The following NPNT variants were observed in gnomAD, a reference collection of about 807,000 sequenced individuals.
The protein encoded by NPNT is preosteoblast EGF-like repeat protein with MAM domain.
In NPNT, 45 loss-of-function variants were observed where a neutral mutation model predicts 68.6. The observed-to-expected ratio is 0.66, with a 90% CI of 0.52 to 0.84. NPNT has a LOEUF of 0.84. Ranked by LOEUF, NPNT falls within the 40% of genes least tolerant of loss-of-function variation. NPNT has a pLI of 0.00. For synonymous variants in NPNT, 233 were observed against 253.3 expected, an observed-to-expected ratio of 0.92 and a Z score of 0.76; for missense variants, 672 against 714.8, an observed-to-expected ratio of 0.94 and a Z score of 0.68.
In NPNT at chr4:105,969,730, A is replaced by C. The variant is rs1209472364; in HGVS notation, c.*740A>C. 3 of 152,268 alleles carry C rather than the reference A, an allele frequency of 2.0e-5. No individual in the cohort carries two copies. Among genetic ancestry groups the C allele is most frequent in the Non-Finnish European group, 4.4e-5 (3 of 68,090 alleles). The allele number at this position is 152,268 out of a possible 1,614,324, so 9.4% of individuals were successfully genotyped here. A position where few individuals can be genotyped will look rare whatever the true frequency, so the allele number is the denominator to read the frequency against. On this transcript the variant is annotated 3_prime_UTR_variant, in exon 12 of 12. Transcript: ENST00000379987. ...AAAGGGCAGCTTGTGATCTCAAAAA[A>C]ATACATGGTGAAATGTCATCCAGTT...
intron 3 of NPNT, among the ~76,000 whole-genome samples, chr4:105,931,522 T>A (rs868280960): frequency 6.6e-6 from 1 of 151,756 alleles, no homozygotes; most frequent in South Asian, 2.1e-4. Flanking sequence ...CAGCCGTAGG[T>A]TTTGAAAGAT....
intron 2 of NPNT, chr4:105,926,995 T>C (rs1728730931): frequency 1.2e-5 from 2 of 160,184 alleles, no homozygotes; most frequent in Non-Finnish European, 2.7e-5. Context: ...AGGGAATGAG[T>C]TTGAAATTTT....
chr4:105,949,969 A>G lies in NPNT; in HGVS notation c.1159+7267A>G, dbSNP rs530949520. ...GTTGTCTTTATCCAGTAATTTTTAA[A>G]CTGTTCAACTGTACTATCGTTGATA... On this transcript the variant is annotated intron_variant, in intron 8 of 11. Coordinates refer to ENST00000379987, the MANE Select transcript of NPNT (RefSeq NM_001033047.3). Among the ~76,000 whole-genome samples the G allele has an allele frequency of 5.3e-5, 8 of 152,310 alleles. No homozygotes were observed. The South Asian group carries it at 8.3e-4, about 16-fold the overall frequency.
Position 105,940,157 on chromosome 4 carries a change from G to C in NPNT, c.588G>C (p.Lys196Asn), listed in dbSNP as rs781730135. The C allele has an allele frequency of 6.2e-7, 1 of 1,613,130 alleles. No individual in the cohort carries two copies. Among genetic ancestry groups the C allele is most frequent in the Non-Finnish European group, 8.5e-7 (1 of 1,179,152 alleles). ...CVNTFGSYICKCHKGFDLMYI... is the reference protein window; with the variant it reads ...CVNTFGSYICNCHKGFDLMYI... Reference sequence around the variant, plus strand: ...ACACTTTTGGGAGCTACATCTGCAAGTGTCATAAAGGCTTCGATCTCATGT... The same window carrying C: ...ACACTTTTGGGAGCTACATCTGCAACTGTCATAAAGGCTTCGATCTCATGT... Residue 196 changes from lysine (K) to asparagine (N), a missense_variant, in exon 6 of 12, where the codon AAG (lysine) becomes AAC (asparagine). Transcript: ENST00000379987.
chr4:105,967,784 G>A (rs1732290490), intron 11 of NPNT, among the ~76,000 whole-genome samples: 1 of 151,878 alleles, frequency 6.6e-6, no homozygotes, highest in Non-Finnish European at 1.5e-5. Context: ...GAGCTTAATT[G>A]TTCCTGCTTT....
chr4:105,964,732 A>C, intron 10 of NPNT, among the ~76,000 whole-genome samples: 1 of 152,218 alleles, frequency 6.6e-6, no homozygotes, highest in East Asian at 1.9e-4. Flanking sequence ...AAAAAGAAAA[A>C]TTATCCTTTT....
At chr4:105,965,833 G>A (rs557582519) in intron 10 of NPNT, among the ~76,000 whole-genome samples, 19 of 152,264 alleles carry the variant, frequency 1.2e-4, no homozygotes, top group Non-Finnish European at 2.2e-4. Flanking sequence ...AACATCATTC[G>A]TTGATTCAAA....
chr4:105,935,300 G>C (rs1273632931), intron 3 of NPNT, among the ~76,000 whole-genome samples: 1 of 152,090 alleles, frequency 6.6e-6, no homozygotes, highest in Admixed American at 6.6e-5. Flanking sequence ...ACCATATTTG[G>C]TTTTAAATGC....
At chr4:105,903,407 AG>A (rs1357619446) in intron 2 of NPNT, among the ~76,000 whole-genome samples, 2 of 152,192 alleles carry the variant, frequency 1.3e-5, no homozygotes, top group African/African-American at 4.8e-5. Context: ...GGGAGATGGA[AG>A]GGCAAGGGAG....
At chr4:105,910,443 T>A (rs28734833) in intron 2 of NPNT, among the ~76,000 whole-genome samples, 3,069 of 152,262 alleles carry the variant, frequency 0.02, 103 homozygotes, top group African/African-American at 0.069. Flanking sequence ...CAGATTTTTC[T>A]GTATTATGTG....
intron 4 of NPNT, among the ~76,000 whole-genome samples, chr4:105,937,754 C>A (rs1729607676): frequency 6.6e-6 from 1 of 152,152 alleles, no homozygotes; most frequent in South Asian, 2.1e-4. Flanking sequence ...CCCTAAAATT[C>A]TCTATAGGCT....
chr4:105,900,827 C>CTTGGTTG (rs1334639121), intron 2 of NPNT, among the ~76,000 whole-genome samples: 19 of 141,174 alleles, frequency 1.3e-4, no homozygotes, highest in Admixed American at 7.8e-4. Context: ...AGGTCATACC[C>CTTGGTTG]TTGGTTGTTT....
chr4:105,905,289 T>C (rs187162768), intron 2 of NPNT, among the ~76,000 whole-genome samples: 1 of 152,308 alleles, frequency 6.6e-6, no homozygotes. Context: ...ATACTTAAAT[T>C]GTCTCCTTTT....
Position 105,958,478 on chromosome 4 carries a change from G to A in NPNT, c.1167G>A (p.Arg389=), listed in dbSNP as rs1220201089. 1 of 1,606,888 alleles carries A rather than the reference G, an allele frequency of 6.2e-7. No individual in the cohort carries two copies. Among genetic ancestry groups the A allele is most frequent in the Admixed American group, 1.7e-5 (1 of 59,522 alleles). ...AAAACCTTTCTCTTGCAGTTCCACGGCAACCTTCAAATGACTTGTTTGAAA... is the reference window on the plus strand; with the variant it reads ...AAAACCTTTCTCTTGCAGTTCCACGACAACCTTCAAATGACTTGTTTGAAA... ...QKPRGDVFIP[R]QPSNDLFEIF... The change falls in exon 9 of 12, where the codon CGG becomes CGA. Residue 389 remains arginine (R), a synonymous_variant. Transcript: ENST00000379987.
At position 105,895,501 on chromosome 4, in the gene NPNT, C is replaced by T. The variant is rs371742921; in HGVS notation, c.-152C>T. ...GCAGACCTGCTCCGGCCGCGCGCCT[C>T]GCCGCTGTCCTCCGGGAGCGGCAGC... is the stretch of plus-strand genomic sequence containing the variant. On this transcript the variant is annotated 5_prime_UTR_variant, in exon 1 of 12. Coordinates refer to ENST00000379987, the MANE Select transcript of NPNT (RefSeq NM_001033047.3). The T allele has an allele frequency of 8.2e-3, 5,209 of 634,528 alleles. 35 individuals are homozygous for T. Among genetic ancestry groups the T allele is most frequent in the Non-Finnish European group, 0.01 (3,920 of 376,294 alleles). 39.3% of individuals were successfully genotyped at this position (634,528 alleles called of 1,614,324 possible).
chr4:105,908,331 C>T (rs1727083715), intron 2 of NPNT, among the ~76,000 whole-genome samples: 1 of 151,914 alleles, frequency 6.6e-6, no homozygotes, highest in African/African-American at 2.4e-5. Flanking sequence ...ATCTTTTTAA[C>T]CATTCTGTAG....
At chr4:105,896,792 C>G (rs1677741383) in intron 1 of NPNT, among the ~76,000 whole-genome samples, 1 of 152,146 alleles carries the variant, frequency 6.6e-6, no homozygotes, top group Non-Finnish European at 1.5e-5. Flanking sequence ...TTGTTCACTA[C>G]CTGGTCGGAG....
chr4:105,935,357 T>C (rs1192190868), intron 3 of NPNT, among the ~76,000 whole-genome samples: 1 of 152,196 alleles, frequency 6.6e-6, no homozygotes, highest in African/African-American at 2.4e-5. Context: ...GGTGTGACTC[T>C]GCAGGACCAT....
rs184219868 is a variant in NPNT at position 105,941,558 on chromosome 4, C to T, written c.764-749C>T. ...AAAATATTTACTGAAAACCATGGTG[C>T]ATAAAATCATGAGGATTAAAGGGTT... On this transcript the variant is annotated intron_variant, in intron 7 of 11. Coordinates refer to ENST00000379987, the MANE Select transcript of NPNT (RefSeq NM_001033047.3). Among the ~76,000 whole-genome samples, 21 of 152,110 alleles carry T rather than the reference C, an allele frequency of 1.4e-4. No homozygotes were observed. In the East Asian group the frequency reaches 3.7e-3, roughly 27 times the overall value.
Sources: allele counts gnomAD v4.1 joint callset (sites outside exome capture counted in the v4.1 genomes callset), GRCh38; gene constraint gnomAD v4.1.1; transcripts MANE v1.5; gene names NCBI Gene and HGNC (gene_info 2026-07-23, HGNC 2026-07-21).